Variants in CALN1 observed in about 807,000 individuals in gnomAD.
The protein encoded by CALN1 is calcium-binding protein 8.
Under a neutral mutation model 30.6 loss-of-function variants are expected in CALN1, and 17 were observed. The ratio of observed to expected loss-of-function variants is 0.56; its 90% CI spans 0.38 to 0.83. CALN1 has a LOEUF of 0.83. CALN1 is among the 40% of genes least tolerant of loss of function. The pLI, the probability that CALN1 is intolerant of heterozygous loss-of-function variation, is 0.00. For synonymous variants in CALN1, 156 were observed against 131.4 expected, an observed-to-expected ratio of 1.19 and a Z score of -1.28; for missense variants, 291 against 354.9, an observed-to-expected ratio of 0.82 and a Z score of 1.45.
intron 5 of CALN1, among the ~76,000 whole-genome samples, chr7:71,811,211 T>G (rs1787936301): frequency 6.6e-6 from 1 of 151,940 alleles, no homozygotes; most frequent in South Asian, 2.1e-4. Flanking sequence ...TATGTATCGT[T>G]TAAAAAAAAA....
At position 72,424,985 on chromosome 7, in the gene CALN1, G is replaced by A. The variant is rs573261429; in HGVS notation, c.-225-12710C>T. On this transcript the variant is annotated intron_variant, in intron 1 of 6. Transcript: ENST00000395276. ...TCTCTAAGGTTTCTCTCCTGAGCCT[G>A]AGGATGCTACACAGTGATACAATCA... is the stretch of plus-strand genomic sequence containing the variant. Among the ~76,000 whole-genome samples, 20 of 152,242 alleles carry A rather than the reference G, an allele frequency of 1.3e-4. No individual in the cohort carries two copies. The East Asian group carries it at 2.3e-3, about 18-fold the overall frequency.
chr7:72,368,999 G>C (rs150888882), intron 2 of CALN1, among the ~76,000 whole-genome samples: 1 of 151,480 alleles, frequency 6.6e-6, no homozygotes, highest in Non-Finnish European at 1.5e-5. Flanking sequence ...ATTTTTAGTA[G>C]AAACGGGGTT....
chr7:72,421,157 G>C (rs772022096), intron 1 of CALN1, among the ~76,000 whole-genome samples: 3 of 152,090 alleles, frequency 2.0e-5, no homozygotes, highest in African/African-American at 4.8e-5. Context: ...TTAGGGTACA[G>C]GTGGTTTTTG....
chr7:72,231,582 C>A (rs1794103645), intron 3 of CALN1, among the ~76,000 whole-genome samples: 1 of 152,116 alleles, frequency 6.6e-6, no homozygotes, highest in African/African-American at 2.4e-5. Context: ...AATAGTGCTG[C>A]AATGAACATA....
At chr7:72,352,614 G>A (rs1266125569) in intron 2 of CALN1, among the ~76,000 whole-genome samples, 1 of 152,042 alleles carries the variant, frequency 6.6e-6, no homozygotes, top group Non-Finnish European at 1.5e-5. Flanking sequence ...AAAGCACAAG[G>A]TATTGAAATT....
At chr7:72,440,578 G>A (rs769000082) in intron 1 of CALN1, among the ~76,000 whole-genome samples, 9 of 152,192 alleles carry the variant, frequency 5.9e-5, no homozygotes, top group Non-Finnish European at 1.3e-4. Flanking sequence ...TGTAATCCCA[G>A]CACTTTGGAA....
chr7:71,943,790 T>A (rs1796260523), intron 5 of CALN1, among the ~76,000 whole-genome samples: 1 of 152,004 alleles, frequency 6.6e-6, no homozygotes, highest in Admixed American at 6.6e-5. Context: ...GAAGAGAATG[T>A]GTATAAAAGT....
intron 5 of CALN1, among the ~76,000 whole-genome samples, chr7:71,818,672 TTTTATTTATTTATTTATTTATTTATTTA>T (rs72244772): frequency 3.8e-5 from 5 of 131,080 alleles, no homozygotes; most frequent in African/African-American, 8.5e-5. Flanking sequence ...GACCAGCTTA[TTTTATTTATTTATTTATTTATTTATTTA>T]TTTATTTATT....
chr7:72,202,701 A>T (rs537155822), intron 3 of CALN1, among the ~76,000 whole-genome samples: 1 of 152,348 alleles, frequency 6.6e-6, no homozygotes, highest in Non-Finnish European at 1.5e-5. Context: ...CTGTGAAAAT[A>T]ACATGCTTGG....
rs141657678 is a variant in CALN1, at chr7:72,073,911, T to A, written c.388+32240A>T. 2.3e-3 allele frequency among the ~76,000 whole-genome samples: 348 copies of A among 152,286 alleles called. 1 individual carries two copies. Among genetic ancestry groups the A allele is most frequent in the Non-Finnish European group, 2.7e-3 (183 of 68,026 alleles). On this transcript the variant is annotated intron_variant, in intron 4 of 6. Coordinates refer to ENST00000395275, the MANE Select transcript of CALN1 (RefSeq NM_031468.4). ...GGTCTTACCATGTTGTCCAGGTCAG[T>A]CTTGAATTCCCCAGCTCAAGCAATC...
At chr7:72,217,356 C>T (rs1792904537) in intron 3 of CALN1, among the ~76,000 whole-genome samples, 1 of 152,114 alleles carries the variant, frequency 6.6e-6, no homozygotes, top group Non-Finnish European at 1.5e-5. Flanking sequence ...GGCATCTTGC[C>T]TCTTGGAGTA....
chr7:71,899,488 T>C (rs1418668374), intron 5 of CALN1, among the ~76,000 whole-genome samples: 1 of 152,158 alleles, frequency 6.6e-6, no homozygotes, highest in Non-Finnish European at 1.5e-5. Flanking sequence ...AAGAAATTTA[T>C]GGGATGCTTA....
intron 2 of CALN1, among the ~76,000 whole-genome samples, chr7:72,368,873 G>A (rs1034851231): frequency 9.4e-5 from 14 of 148,206 alleles, no homozygotes; most frequent in Admixed American, 2.7e-4. Context: ...GGAGTGCAGC[G>A]GCACAATCTC....
intron 5 of CALN1, among the ~76,000 whole-genome samples, chr7:71,993,643 G>T (rs1156795888): frequency 6.6e-6 from 1 of 152,078 alleles, no homozygotes; most frequent in African/African-American, 2.4e-5. Context: ...TTTTAGTAGA[G>T]ATGGTGTTTC....
chr7:71,974,437 A>G (rs1313965960), intron 5 of CALN1, among the ~76,000 whole-genome samples: 7 of 151,024 alleles, frequency 4.6e-5, no homozygotes, highest in Non-Finnish European at 1.0e-4. Context: ...AAAAAAAAAA[A>G]AAAAAGGAAA....
At chr7:72,166,565 C>T (rs1280944757) in intron 3 of CALN1, among the ~76,000 whole-genome samples, 1 of 152,202 alleles carries the variant, frequency 6.6e-6, no homozygotes. Flanking sequence ...TTACTTGCTA[C>T]AAAATGCATT....
At chr7:72,065,113 G>C (rs902502653) in intron 4 of CALN1, among the ~76,000 whole-genome samples, 3 of 145,032 alleles carry the variant, frequency 2.1e-5, no homozygotes, top group Non-Finnish European at 4.5e-5. Flanking sequence ...ATATATTTAT[G>C]TTAATATATG....
In CALN1 at chr7:72,016,998, C is replaced by CAA. The variant is rs754201004; in HGVS notation, c.501+6657_501+6658dup. ...CAAAACCCCGTGTTTACTAAAAATA[C>CAA]AAAAAAAAAAAAAAAAAAAGCTGGG... On this transcript the variant is annotated intron_variant, in intron 5 of 6. Transcript: ENST00000395275. Among the ~76,000 whole-genome samples the CAA allele has an allele frequency of 5.9e-4, 19 of 31,954 alleles. 1 individual carries two copies. Among genetic ancestry groups the CAA allele is most frequent in the African/African-American group, 2.1e-3 (14 of 6,612 alleles). The allele number at this position is 31,954 out of a possible 152,430, so 21.0% of individuals were successfully genotyped here. A position where few individuals can be genotyped will look rare whatever the true frequency, so the allele number is the denominator to read the frequency against.
rs1799932544 is a variant in CALN1, at chr7:72,009,065, A to C, written c.501+14592T>G. ...ATAAGTTTTCAAAATAGACTGAAGA[A>C]CAATTAACTTCTAATATTTATCAAA... On this transcript the variant is annotated intron_variant, in intron 5 of 6. Transcript: ENST00000395275. Among the ~76,000 whole-genome samples, 4 of 152,240 alleles carry C rather than the reference A, an allele frequency of 2.6e-5. No individual in the cohort carries two copies. In the South Asian group the frequency reaches 8.3e-4, roughly 32 times the overall value.
Sources: gnomAD v4.1 joint callset for allele counts (sites outside exome capture counted in the v4.1 genomes callset) on GRCh38, gnomAD v4.1.1 for gene constraint, MANE v1.5 for transcripts, NCBI Gene and HGNC (gene_info 2026-07-23, HGNC 2026-07-21) for gene names.